Variants in ROBO1 observed in about 807,000 individuals in gnomAD.
The protein encoded by ROBO1 is roundabout homolog 1.
In ROBO1, 149 loss-of-function variants were observed where a neutral mutation model predicts 195.9. That is an observed-to-expected ratio of 0.76 (90% CI 0.67 to 0.87). ROBO1 has a LOEUF of 0.87. Among genes scored for constraint, ROBO1 ranks in the 40% least tolerant of loss-of-function variants. The pLI, the probability that ROBO1 is intolerant of heterozygous loss-of-function variation, is 0.00. For missense variants in ROBO1, 1,933 were observed against 2,068.3 expected (o/e 0.93, Z 1.27); for synonymous variants, 816 against 733.2 (o/e 1.11, Z -1.82).
intron 1 of ROBO1, among the ~76,000 whole-genome samples, chr3:79,681,565 T>TTTCA (rs1946949479): frequency 2.6e-5 from 4 of 152,124 alleles, no homozygotes; most frequent in South Asian, 4.1e-4. Context: ...AATCTGAGTG[T>TTTCA]TACCTTGTAT....
At chr3:79,141,258 G>A (rs899415314) in intron 2 of ROBO1, among the ~76,000 whole-genome samples, 11 of 152,008 alleles carry the variant, frequency 7.2e-5, no homozygotes, top group Non-Finnish European at 1.5e-4. Flanking sequence ...TGTATTTTGT[G>A]GCTGCCATCC....
At chr3:79,501,309 A>G (rs1360618174) in intron 2 of ROBO1, among the ~76,000 whole-genome samples, 1 of 152,150 alleles carries the variant, frequency 6.6e-6, no homozygotes, top group Non-Finnish European at 1.5e-5. Context: ...TAGTTCACGA[A>G]GCACCACCTC....
chr3:79,533,556 G>C (rs1242554934), intron 2 of ROBO1, among the ~76,000 whole-genome samples: 1 of 151,964 alleles, frequency 6.6e-6, no homozygotes, highest in Non-Finnish European at 1.5e-5. Flanking sequence ...ACTTTTGTGG[G>C]CTCTAGAAAG....
At chr3:78,651,678 A>G in intron 19 of ROBO1, 54 bp downstream of exon 19, 1 of 1,342,072 alleles carries the variant, frequency 7.5e-7, no homozygotes, top group Non-Finnish European at 1.0e-6. Flanking sequence ...ATCAAATATT[A>G]AAATCAAGAG....
chr3:79,225,231 C>A (rs2082206219), intron 2 of ROBO1, among the ~76,000 whole-genome samples: 1 of 151,978 alleles, frequency 6.6e-6, no homozygotes, highest in South Asian at 2.1e-4. Flanking sequence ...AGTGAGGAAT[C>A]TTCCTGCAGG....
At chr3:79,075,814 T>C (rs1373707848) in intron 3 of ROBO1, among the ~76,000 whole-genome samples, 1 of 151,904 alleles carries the variant, frequency 6.6e-6, no homozygotes, top group Admixed American at 6.6e-5. Context: ...TAGCTATGTA[T>C]AGTATAACAT....
intron 4 of ROBO1, among the ~76,000 whole-genome samples, chr3:78,787,912 G>A (rs1282253918): frequency 1.4e-5 from 2 of 140,394 alleles, no homozygotes; most frequent in African/African-American, 5.3e-5. Context: ...TGGCCACAGA[G>A]TTAGACCCCT....
intron 2 of ROBO1, among the ~76,000 whole-genome samples, chr3:79,408,227 A>T (rs567424206): frequency 1.1e-4 from 14 of 126,748 alleles, no homozygotes; most frequent in African/African-American, 3.4e-4. Context: ...TCAAAAAAAT[A>T]AAAAAAATAA....
At chr3:79,663,731 C>A (rs1427901128) in intron 1 of ROBO1, among the ~76,000 whole-genome samples, 1 of 152,004 alleles carries the variant, frequency 6.6e-6, no homozygotes, top group Non-Finnish European at 1.5e-5. Flanking sequence ...CATAATCTGC[C>A]TAGTTATTGT....
chr3:79,493,641 TA>T (rs1939583767), intron 2 of ROBO1, among the ~76,000 whole-genome samples: 1 of 152,038 alleles, frequency 6.6e-6, no homozygotes, highest in Non-Finnish European at 1.5e-5. Context: ...ATTTGATAAA[TA>T]ATTTAAAAAA....
chr3:79,309,853 T>C (rs965555297), intron 2 of ROBO1, among the ~76,000 whole-genome samples: 7 of 152,202 alleles, frequency 4.6e-5, no homozygotes, highest in Non-Finnish European at 8.8e-5. Flanking sequence ...GTTTTTATTA[T>C]GGCTATGTAT....
chr3:79,033,399 T>C (rs2078330227), intron 3 of ROBO1, among the ~76,000 whole-genome samples: 1 of 152,154 alleles, frequency 6.6e-6, no homozygotes, highest in Non-Finnish European at 1.5e-5. Flanking sequence ...TTCACATTTT[T>C]CATTCTCTGT....
At chr3:78,696,052 C>G (rs1190458323) in intron 8 of ROBO1, among the ~76,000 whole-genome samples, 1 of 148,508 alleles carries the variant, frequency 6.7e-6, no homozygotes, top group East Asian at 2.0e-4. Context: ...CCTTTCCATA[C>G]AGAGAATATG....
intron 2 of ROBO1, among the ~76,000 whole-genome samples, chr3:79,197,889 T>C (rs2108771208): frequency 6.6e-6 from 1 of 152,002 alleles, no homozygotes; most frequent in African/African-American, 2.4e-5. Context: ...ATGGGTTTTT[T>C]TTTTTTCTTG....
chr3:79,176,827 A>G (rs1219208002), intron 2 of ROBO1, among the ~76,000 whole-genome samples: 2 of 152,160 alleles, frequency 1.3e-5, no homozygotes, highest in East Asian at 1.9e-4. Flanking sequence ...ATGTTTTAAG[A>G]TTCACCTAAA....
At chr3:78,984,866 G>A (rs1306043809) in intron 3 of ROBO1, among the ~76,000 whole-genome samples, 1 of 152,130 alleles carries the variant, frequency 6.6e-6, no homozygotes, top group Non-Finnish European at 1.5e-5. Context: ...TGAACTGTGT[G>A]GGTCCACTTA....
At chr3:79,140,147 T>C (rs1253912391) in intron 2 of ROBO1, among the ~76,000 whole-genome samples, 1 of 152,166 alleles carries the variant, frequency 6.6e-6, no homozygotes, top group Non-Finnish European at 1.5e-5. Context: ...CTTTACCCAG[T>C]GCTCTTTTAT....
chr3:78,885,668 G>A (rs2036516102), intron 4 of ROBO1, among the ~76,000 whole-genome samples: 1 of 150,754 alleles, frequency 6.6e-6, no homozygotes, highest in African/African-American at 2.4e-5. Flanking sequence ...ATATGAGGTA[G>A]ATACTATTAT....
intron 5 of ROBO1, among the ~76,000 whole-genome samples, chr3:78,733,742 C>T (rs1014779233): frequency 2.6e-5 from 4 of 152,114 alleles, no homozygotes; most frequent in African/African-American, 9.7e-5. Flanking sequence ...TATAATTAAA[C>T]AAAGTGCTCC....
Sources: gnomAD v4.1 joint callset for allele counts (sites outside exome capture counted in the v4.1 genomes callset) on GRCh38, gnomAD v4.1.1 for gene constraint, MANE v1.5 for transcripts, NCBI Gene and HGNC (gene_info 2026-07-23, HGNC 2026-07-21) for gene names.